Variants in ANK3 observed in about 807,000 individuals in gnomAD.
ANK3 encodes ankyrin 3, also known as ankyrin-3.
In ANK3, 57 loss-of-function variants were observed where a neutral mutation model predicts 370.9. That is an observed-to-expected ratio of 0.15 (90% confidence interval 0.12 to 0.19). The LOEUF (loss-of-function observed/expected upper bound fraction) is 0.19, where lower values mean the gene tolerates loss of function less well. Ranked by LOEUF, ANK3 falls within the 10% of genes least tolerant of loss-of-function variation. The probability of loss-of-function intolerance (pLI) is 1.00; values close to 1 mark genes in which losing one functional copy is unlikely to be tolerated. For synonymous variants in ANK3, 1,929 were observed against 1,946.3 expected, an observed-to-expected ratio of 0.99 and a Z score of 0.23; for missense variants, 4,439 against 5,302.1, an observed-to-expected ratio of 0.84 and a Z score of 5.06.
At chr10:60,359,283 G>C (rs1262016344) in intron 1 of ANK3, among the ~76,000 whole-genome samples, 1 of 152,090 alleles carries the variant, frequency 6.6e-6, no homozygotes, top group East Asian at 1.9e-4. Flanking sequence ...CTCCCAATTT[G>C]ATTGAGACCC....
At chr10:60,335,716 T>A (rs2052667613) in intron 1 of ANK3, among the ~76,000 whole-genome samples, 1 of 152,192 alleles carries the variant, frequency 6.6e-6, no homozygotes, top group Admixed American at 6.5e-5. Context: ...TGGCAGGACA[T>A]CATCCATATC....
chr10:60,264,573 G>A (rs2097851927), intron 5 of ANK3, among the ~76,000 whole-genome samples: 1 of 151,492 alleles, frequency 6.6e-6, no homozygotes, highest in Non-Finnish European at 1.5e-5. Flanking sequence ...AATCTGGGAG[G>A]TGGAGACTGC....
chr10:60,376,161 T>C (rs982120301), intron 1 of ANK3, among the ~76,000 whole-genome samples: 1 of 152,166 alleles, frequency 6.6e-6, no homozygotes, highest in East Asian at 1.9e-4. Context: ...CCAGGCCCTT[T>C]CCCTTATTCC....
intron 5 of ANK3, among the ~76,000 whole-genome samples, chr10:60,266,641 G>A (rs184736091): frequency 2.6e-5 from 4 of 152,246 alleles, no homozygotes; most frequent in East Asian, 1.9e-4. Flanking sequence ...CAACTGAGCC[G>A]ATTAGCAGTG....
chr10:60,262,829 A>T (rs77287104), intron 6 of ANK3, among the ~76,000 whole-genome samples: 5,367 of 152,258 alleles, frequency 0.035, 308 homozygotes, highest in African/African-American at 0.12. Context: ...GCTGATAAAC[A>T]TCTAAAGTGT....
intron 35 of ANK3, chr10:60,081,619 T>C (rs2085277470): frequency 2.8e-6 from 1 of 356,508 alleles, no homozygotes; most frequent in East Asian, 7.4e-5. Flanking sequence ...AACATAAGTT[T>C]ATTTGTACAA....
chr10:60,193,483 C>T (rs1361653655), intron 16 of ANK3, among the ~76,000 whole-genome samples: 3 of 146,570 alleles, frequency 2.0e-5, no homozygotes, highest in Non-Finnish European at 3.0e-5. Context: ...TGAAGAAACC[C>T]CATCTCTACT....
chr10:60,180,860 C>T (rs538891641), intron 18 of ANK3, among the ~76,000 whole-genome samples: 31 of 151,992 alleles, frequency 2.0e-4, no homozygotes, highest in Admixed American at 8.5e-4. Flanking sequence ...GGAGAACACA[C>T]GCATGACCGC....
rs560820731 is a variant in ANK3, at chr10:60,241,601, C to G, written c.799-6815G>C. ...CCCAGGTACTACCCCTTCTATTTCACTAAACTCTTTGGGTTTATTTATAAA... is the reference window on the plus strand; with the variant it reads ...CCCAGGTACTACCCCTTCTATTTCAGTAAACTCTTTGGGTTTATTTATAAA... On this transcript the variant is annotated intron_variant, in intron 7 of 43. Transcript: ENST00000280772. Among the ~76,000 whole-genome samples, 37 of 152,256 alleles carry G rather than the reference C, an allele frequency of 2.4e-4. 1 individual carries two copies. The highest frequency in any genetic ancestry group is 2.2e-3 in the Admixed American group (33 of 15,286).
At chr10:60,538,211 C>T (rs184327266) in intron 2 of ANK3, among the ~76,000 whole-genome samples, 192 of 151,720 alleles carry the variant, frequency 1.3e-3, no homozygotes, top group Non-Finnish European at 2.4e-3. Context: ...CTGAATGAGG[C>T]AAAGAAAAGG....
chr10:60,600,594 C>A (rs1444338323), intron 2 of ANK3, among the ~76,000 whole-genome samples: 1 of 152,096 alleles, frequency 6.6e-6, no homozygotes, highest in Non-Finnish European at 1.5e-5. Flanking sequence ...GAAATATGAA[C>A]CTTCTCATAG....
At chr10:60,053,755 C>T (rs1261898407) in intron 42 of ANK3, 2 of 1,302,992 alleles carry the variant, frequency 1.5e-6, no homozygotes, top group East Asian at 1.1e-4. Flanking sequence ...AAAAAGGGGG[C>T]TGTTTTCTGA....
intron 2 of ANK3, among the ~76,000 whole-genome samples, chr10:60,568,264 A>G (rs2133261165): frequency 6.6e-6 from 1 of 152,308 alleles, no homozygotes; most frequent in South Asian, 2.1e-4. Context: ...ATTTTAAGGA[A>G]TTGCCACAGC....
intron 1 of ANK3, among the ~76,000 whole-genome samples, chr10:60,727,724 A>G (rs1359796265): frequency 2.6e-5 from 4 of 152,144 alleles, no homozygotes; most frequent in African/African-American, 9.7e-5. Flanking sequence ...CAGTTCTCTC[A>G]TATCTAATCT....
chr10:60,709,685 G>A (rs911112475), intron 1 of ANK3, among the ~76,000 whole-genome samples: 35 of 151,910 alleles, frequency 2.3e-4, no homozygotes, highest in Admixed American at 2.6e-4. Context: ...AAAATTAGCC[G>A]GGCATGGTGG....
chr10:60,692,930 A>C (rs142607851), intron 1 of ANK3, among the ~76,000 whole-genome samples: 92 of 152,340 alleles, frequency 6.0e-4, no homozygotes, highest in African/African-American at 2.1e-3. Flanking sequence ...CTTATTAGGC[A>C]TGTGATGTAG....
chr10:60,211,892 CAAAAAAAAAAA>C (rs72238553), intron 9 of ANK3, among the ~76,000 whole-genome samples: 12,731 of 93,650 alleles, frequency 0.14, 777 homozygotes, highest in South Asian at 0.18. Context: ...AATACAGAGC[CAAAAAAAAAAA>C]AAAAAAAAAA....
At chr10:60,361,422 A>G (rs2058590809) in intron 1 of ANK3, among the ~76,000 whole-genome samples, 1 of 152,218 alleles carries the variant, frequency 6.6e-6, no homozygotes, top group African/African-American at 2.4e-5. Flanking sequence ...CAAAGTTTCT[A>G]TGGTGAATGC....
chr10:60,316,816 C>A (rs563876219), intron 1 of ANK3, among the ~76,000 whole-genome samples: 1 of 152,024 alleles, frequency 6.6e-6, no homozygotes, highest in Non-Finnish European at 1.5e-5. Context: ...GGCACGATCT[C>A]GGCTCACTGC....
Sources: gnomAD v4.1 joint callset for allele counts (sites outside exome capture counted in the v4.1 genomes callset) on GRCh38, gnomAD v4.1.1 for gene constraint, MANE v1.5 for transcripts, NCBI Gene and HGNC (gene_info 2026-07-23, HGNC 2026-07-21) for gene names.